The following ATRNL1 variants were observed in gnomAD, a reference collection of about 807,000 sequenced individuals.
ATRNL1 encodes attractin-like protein 1.
In ATRNL1, 95 loss-of-function variants were observed where a neutral mutation model predicts 182.7. The ratio of observed to expected loss-of-function variants is 0.52; its 90% CI spans 0.44 to 0.62. ATRNL1 has a LOEUF of 0.62. Ranked by LOEUF, ATRNL1 falls within the 20% of genes least tolerant of loss-of-function variation. The pLI is 0.00. For missense variants in ATRNL1, 1,471 were observed against 1,679.5 expected, an observed-to-expected ratio of 0.88 and a Z score of 2.17; for synonymous variants, 576 against 568.3, an observed-to-expected ratio of 1.01 and a Z score of -0.19.
intron 21 of ATRNL1, among the ~76,000 whole-genome samples, chr10:115,446,414 T>C (rs989652514): frequency 5.3e-5 from 8 of 152,056 alleles, no homozygotes; most frequent in East Asian, 1.9e-4. Context: ...TTTATTGTAA[T>C]CTTTGGTGTT....
At chr10:115,424,480 T>G (rs549487461) in intron 20 of ATRNL1, among the ~76,000 whole-genome samples, 1 of 152,322 alleles carries the variant, frequency 6.6e-6, no homozygotes, top group East Asian at 1.9e-4. Flanking sequence ...ACATCTGTAC[T>G]CTTACTTTTA....
intron 10 of ATRNL1, among the ~76,000 whole-genome samples, chr10:115,264,578 T>TA (rs1253715107): frequency 1.4e-3 from 207 of 151,492 alleles, no homozygotes; most frequent in African/African-American, 4.9e-3. Flanking sequence ...ATTGAAATAA[T>TA]ACACATTTTT....
chr10:115,183,965 T>C (rs1044817380), intron 8 of ATRNL1, among the ~76,000 whole-genome samples: 10 of 151,576 alleles, frequency 6.6e-5, no homozygotes, highest in Non-Finnish European at 1.0e-4. Flanking sequence ...TCTTAATGTG[T>C]GTTGAGTTTT....
At chr10:115,748,885 A>G (rs2907532) in intron 27 of ATRNL1, among the ~76,000 whole-genome samples, 144,421 of 151,982 alleles carry the variant, frequency 0.95, 69,034 homozygotes, top group East Asian at 1. Context: ...TTTTATCTAG[A>G]TTCGGAATGC....
chr10:115,546,788 A>G (rs1175475983), intron 25 of ATRNL1, among the ~76,000 whole-genome samples: 1 of 152,132 alleles, frequency 6.6e-6, no homozygotes, highest in Non-Finnish European at 1.5e-5. Flanking sequence ...CTCTAGATAC[A>G]CTGCCAGATA....
At chr10:115,665,183 A>C (rs1249581210) in intron 26 of ATRNL1, among the ~76,000 whole-genome samples, 5 of 152,122 alleles carry the variant, frequency 3.3e-5, no homozygotes, top group African/African-American at 1.2e-4. Context: ...AAGACTACTG[A>C]TGTAGGTTGG....
chr10:115,669,528 A>G (rs1249038605), intron 26 of ATRNL1, among the ~76,000 whole-genome samples: 1 of 152,104 alleles, frequency 6.6e-6, no homozygotes, highest in Non-Finnish European at 1.5e-5. Context: ...TGTGCTCCTG[A>G]TATATTCCCA....
At chr10:115,591,942 GTAGT>G (rs1185749475) in intron 26 of ATRNL1, among the ~76,000 whole-genome samples, 1 of 152,184 alleles carries the variant, frequency 6.6e-6, no homozygotes, top group Non-Finnish European at 1.5e-5. Flanking sequence ...TGAAATTGGA[GTAGT>G]TAAAGAAAAT....
chr10:115,297,613 T>TGCACTCCA (rs1554923085), intron 15 of ATRNL1, among the ~76,000 whole-genome samples: 1 of 142,354 alleles, frequency 7.0e-6, no homozygotes, highest in Non-Finnish European at 1.5e-5. Flanking sequence ...ATTGCGCCAC[T>TGCACTCCA]GCACTCCAGT....
intron 18 of ATRNL1, among the ~76,000 whole-genome samples, chr10:115,316,874 G>A (rs1554929876): frequency 6.6e-6 from 1 of 152,006 alleles, no homozygotes; most frequent in African/African-American, 2.4e-5. Context: ...GCCTGTTCAT[G>A]CTGTTGATAA....
chr10:115,678,649 G>C (rs1945945713), intron 26 of ATRNL1, among the ~76,000 whole-genome samples: 1 of 151,994 alleles, frequency 6.6e-6, no homozygotes, highest in African/African-American at 2.4e-5. Context: ...GTTTATATTT[G>C]TCTTATATTA....
At chr10:115,138,787 C>T (rs1378139330) in intron 5 of ATRNL1, among the ~76,000 whole-genome samples, 1 of 152,204 alleles carries the variant, frequency 6.6e-6, no homozygotes, top group East Asian at 1.9e-4. Flanking sequence ...GATTAACATT[C>T]AGCTCCTCAT....
chr10:115,203,894 G>A (rs1340115231), intron 8 of ATRNL1, among the ~76,000 whole-genome samples: 2 of 151,474 alleles, frequency 1.3e-5, no homozygotes, highest in Non-Finnish European at 2.9e-5. Flanking sequence ...ACCGCACCTG[G>A]CCTAGATTGG....
chr10:115,561,704 GGTGT>G (rs71010029), intron 26 of ATRNL1, among the ~76,000 whole-genome samples: 9 of 144,938 alleles, frequency 6.2e-5, no homozygotes, highest in African/African-American at 2.3e-4. Context: ...TGTGTGTGTG[GGTGT>G]GTGTGTGTGT....
chr10:115,602,156 C>A (rs1555016110), intron 26 of ATRNL1, among the ~76,000 whole-genome samples: 5 of 151,914 alleles, frequency 3.3e-5, no homozygotes, highest in Non-Finnish European at 7.4e-5. Flanking sequence ...GAGTTCGAGA[C>A]CAGCCTGGCC....
intron 28 of ATRNL1, among the ~76,000 whole-genome samples, chr10:115,915,328 G>A (rs1309454024): frequency 6.6e-6 from 1 of 152,002 alleles, no homozygotes; most frequent in Admixed American, 6.6e-5. Context: ...AACCTGGGGG[G>A]CGGAGCTTGC....
rs567315685 is a variant in ATRNL1 at position 115,166,119 on chromosome 10, C to T, written c.1092+474C>T. 2.6e-5 allele frequency among the ~76,000 whole-genome samples: 4 copies of T among 152,218 alleles called. No homozygotes were observed. The East Asian group carries it at 5.8e-4, about 22-fold the overall frequency. Reference sequence around the variant, plus strand: ...TACTTTTCTGTCTCTGTGAATTTAACTGCTCTAGGTACCTCATGTAAATGG... The same window carrying T: ...TACTTTTCTGTCTCTGTGAATTTAATTGCTCTAGGTACCTCATGTAAATGG... On this transcript the variant is annotated intron_variant, in intron 7 of 28. Coordinates refer to ENST00000355044, the MANE Select transcript of ATRNL1 (RefSeq NM_207303.4).
intron 8 of ATRNL1, among the ~76,000 whole-genome samples, chr10:115,198,488 CT>C: frequency 6.6e-6 from 1 of 152,180 alleles, no homozygotes; most frequent in African/African-American, 2.4e-5. Flanking sequence ...TGATTATCTC[CT>C]TGCTATGCAG....
chr10:115,202,426 G>C (rs1223014746), intron 8 of ATRNL1, among the ~76,000 whole-genome samples: 5 of 151,168 alleles, frequency 3.3e-5, no homozygotes, highest in Admixed American at 2.6e-4. Flanking sequence ...AATTTATTGA[G>C]AGTTTTTAGC....
Sources: allele counts gnomAD v4.1 joint callset (sites outside exome capture counted in the v4.1 genomes callset), GRCh38; gene constraint gnomAD v4.1.1; transcripts MANE v1.5; gene names NCBI Gene and HGNC (gene_info 2026-07-23, HGNC 2026-07-21).